Variants in SYTL3 observed in about 807,000 individuals in gnomAD.
The protein encoded by SYTL3 is synaptotagmin-like protein 3.
SYTL3 carries 88 observed loss-of-function variants against 82.1 expected under a neutral mutation model. The ratio of observed to expected loss-of-function variants is 1.07; its 90% CI spans 0.90 to 1.28. SYTL3 has a LOEUF of 1.28. Ranked by LOEUF, SYTL3 falls within the 50% of genes most tolerant of loss-of-function variation. The pLI, the probability that SYTL3 is intolerant of heterozygous loss-of-function variation, is 0.00. For synonymous variants in SYTL3, 311 were observed against 289.4 expected, an observed-to-expected ratio of 1.07 and a Z score of -0.76; for missense variants, 831 against 757.6, an observed-to-expected ratio of 1.10 and a Z score of -1.14.
At chr6:158,674,359 T>C (rs1777791935) in intron 5 of SYTL3, among the ~76,000 whole-genome samples, 1 of 152,192 alleles carries the variant, frequency 6.6e-6, no homozygotes, top group Non-Finnish European at 1.5e-5. Flanking sequence ...TCTTGCTGTG[T>C]CTTTTTCTCA....
intron 5 of SYTL3, among the ~76,000 whole-genome samples, chr6:158,674,111 A>G (rs1583189441): frequency 7.4e-6 from 1 of 135,124 alleles, no homozygotes; most frequent in Admixed American, 7.8e-5. Context: ...AATAATAATA[A>G]TAATAATAAT....
chr6:158,702,199 G>A (rs976914217), intron 6 of SYTL3, among the ~76,000 whole-genome samples: 8 of 151,666 alleles, frequency 5.3e-5, no homozygotes, highest in Admixed American at 1.3e-4. Flanking sequence ...GGTAACTCAC[G>A]CCTGTAATCC....
At chr6:158,679,816 C>T (rs917263460) in intron 5 of SYTL3, among the ~76,000 whole-genome samples, 4 of 152,190 alleles carry the variant, frequency 2.6e-5, no homozygotes, top group Non-Finnish European at 5.9e-5. Context: ...CACTTAGGCA[C>T]TTTCACCTTT....
chr6:158,731,034 C>G (rs1367245683), intron 11 of SYTL3, among the ~76,000 whole-genome samples: 1 of 152,196 alleles, frequency 6.6e-6, no homozygotes, highest in African/African-American at 2.4e-5. Context: ...CCTGTAATCC[C>G]AGCACTTTGG....
At chr6:158,735,057 C>T (rs539533007) in intron 11 of SYTL3, among the ~76,000 whole-genome samples, 2 of 152,222 alleles carry the variant, frequency 1.3e-5, no homozygotes, top group African/African-American at 4.8e-5. Context: ...ATCCCACAGG[C>T]GTTTTGTACT....
At chr6:158,647,350 G>A (rs1253544792), upstream of SYTL3, among the ~76,000 whole-genome samples, 1 of 152,206 alleles carries the variant, frequency 6.6e-6, no homozygotes. Context: ...GTAAACGGAT[G>A]AGCTGGTCTG....
At chr6:158,674,598 G>A (rs775293896) in intron 5 of SYTL3, among the ~76,000 whole-genome samples, 3 of 152,192 alleles carry the variant, frequency 2.0e-5, no homozygotes, top group South Asian at 2.1e-4. Flanking sequence ...CCCCTCTGTC[G>A]TGGTGGATCC....
intron 11 of SYTL3, among the ~76,000 whole-genome samples, chr6:158,730,773 C>T (rs994829325): frequency 1.3e-5 from 2 of 150,948 alleles, no homozygotes; most frequent in Non-Finnish European, 3.0e-5. Context: ...AGAAAAGCTG[C>T]GGGGCGGTAA....
Position 158,665,433 on chromosome 6 carries a change from G to A in SYTL3, c.149G>A (p.Gly50Glu), listed in dbSNP as rs541039427. 13 of 1,606,964 alleles carry A rather than the reference G, an allele frequency of 8.1e-6. No individual in the cohort carries two copies. Among genetic ancestry groups the A allele is most frequent in the Middle Eastern group, 1.6e-4 (1 of 6,078 alleles). The change falls in exon 5 of 18, where the codon GGA becomes GAA. Residue 50 changes from glycine to glutamate, a missense_variant. Gly to Glu is a moderately conservative substitution (Grantham distance 98). Transcript: ENST00000611299. Reference sequence around the variant, plus strand: ...CACCTGCAGCATCTCCGGTGGAAAGGAGCGAAGAACACGGACTGGGAGCAC... The same window carrying A: ...CACCTGCAGCATCTCCGGTGGAAAGAAGCGAAGAACACGGACTGGGAGCAC... ...KTHLQHLRWKGAKNTDWEHKE... is the reference protein window; with the variant it reads ...KTHLQHLRWKEAKNTDWEHKE...
At chr6:158,650,873 C>T (rs1413617215) in intron 1 of SYTL3, among the ~76,000 whole-genome samples, 2 of 152,060 alleles carry the variant, frequency 1.3e-5, no homozygotes, top group African/African-American at 2.4e-5. Context: ...ATCACTTGAA[C>T]CTGGGAGGCG....
At chr6:158,704,854 A>G (rs1781813810) in intron 6 of SYTL3, among the ~76,000 whole-genome samples, 2 of 91,522 alleles carry the variant, frequency 2.2e-5, no homozygotes, top group African/African-American at 8.7e-5. Context: ...GGCAGGAGGG[A>G]CCCAGGGCAG....
chr6:158,705,937 C>G (rs1782038739), intron 6 of SYTL3, among the ~76,000 whole-genome samples: 1 of 152,158 alleles, frequency 6.6e-6, no homozygotes, highest in African/African-American at 2.4e-5. Flanking sequence ...TCTCTTGCTT[C>G]CATGGCCAGC....
chr6:158,649,701 T>C (rs1030920192), upstream of SYTL3, among the ~76,000 whole-genome samples: 3 of 152,220 alleles, frequency 2.0e-5, no homozygotes, highest in Non-Finnish European at 4.4e-5. Flanking sequence ...TGGTTAGTCA[T>C]TTACACTGAA....
intron 2 of SYTL3, among the ~76,000 whole-genome samples, chr6:158,652,843 G>T (rs1050570998): frequency 3.3e-5 from 5 of 152,122 alleles, no homozygotes; most frequent in African/African-American, 1.2e-4. Context: ...ACCCAGCCGA[G>T]TCTTCTAATG....
At chr6:158,653,416 G>T (rs2128346899) in intron 2 of SYTL3, among the ~76,000 whole-genome samples, 1 of 152,210 alleles carries the variant, frequency 6.6e-6, no homozygotes, top group East Asian at 1.9e-4. Context: ...TGAGGCAGGA[G>T]AATTTCATGA....
chr6:158,645,257 A>G (rs1280538629), upstream of SYTL3, among the ~76,000 whole-genome samples: 1 of 152,152 alleles, frequency 6.6e-6, no homozygotes, highest in Non-Finnish European at 1.5e-5. Flanking sequence ...TTTTCCTTTA[A>G]GCACCATTAA....
intron 6 of SYTL3, among the ~76,000 whole-genome samples, chr6:158,699,352 C>T (rs1384331595): frequency 4.6e-5 from 7 of 152,180 alleles, no homozygotes; most frequent in African/African-American, 1.7e-4. Flanking sequence ...GGTTAGCGTC[C>T]TCAACTGACA....
upstream of SYTL3, among the ~76,000 whole-genome samples, chr6:158,645,136 T>G (rs1329634849): frequency 6.6e-6 from 1 of 152,198 alleles, no homozygotes; most frequent in Admixed American, 6.5e-5. Flanking sequence ...CTGAAGGCAG[T>G]GCGCCCGGTG....
chr6:158,652,444 T>C (rs1309833841), intron 2 of SYTL3, among the ~76,000 whole-genome samples: 1 of 151,942 alleles, frequency 6.6e-6, no homozygotes. Flanking sequence ...GGAGACAGGG[T>C]TTTAACATGT....
Sources: gnomAD v4.1 joint callset for allele counts (sites outside exome capture counted in the v4.1 genomes callset) on GRCh38, gnomAD v4.1.1 for gene constraint, MANE v1.5 for transcripts, NCBI Gene and HGNC (gene_info 2026-07-23, HGNC 2026-07-21) for gene names.